PCTP: variants seen among roughly 807,000 people sequenced by gnomAD.
The protein encoded by PCTP is START domain-containing protein 2.
In PCTP, 27 loss-of-function variants were observed where a neutral mutation model predicts 31.0. The ratio of observed to expected loss-of-function variants is 0.87; its 90% CI spans 0.64 to 1.20. The LOEUF is 1.20. Ranked by LOEUF, PCTP falls within the 50% of genes most tolerant of loss-of-function variation. The pLI is 0.00. For missense variants in PCTP, 287 were observed against 268.2 expected (o/e 1.07, Z -0.49); for synonymous variants, 108 against 101.2 (o/e 1.07, Z -0.40).
chr17:55,802,747 C>T lies in PCTP; in HGVS notation c.317+15093C>T, dbSNP rs535801866. On this transcript the variant is annotated intron_variant, in intron 3 of 3. Transcript: ENST00000572536. ...TAATAAGAGCTATTTATGACAAACC[C>T]ACAGCCAATATCATACTGAATGGGC... is the stretch of plus-strand genomic sequence containing the variant. Among the ~76,000 whole-genome samples the T allele has an allele frequency of 9.2e-4, 140 of 152,208 alleles. 1 individual carries two copies. The highest frequency in any genetic ancestry group is 8.3e-3 in the South Asian group (40 of 4,822).
intron 3 of PCTP, among the ~76,000 whole-genome samples, chr17:55,799,477 G>A (rs1912303172): frequency 6.7e-6 from 1 of 150,294 alleles, no homozygotes; most frequent in African/African-American, 2.5e-5. Flanking sequence ...GTTTGCACAT[G>A]AGATGGGTCT....
chr17:55,767,482 T>A (rs760070128), intron 2 of PCTP, 30 bp downstream of exon 2: 1 of 1,435,310 alleles, frequency 7.0e-7, no homozygotes, highest in Admixed American at 1.8e-5. Flanking sequence ...CTTTTTTTTT[T>A]AGACGTACTT....
Position 55,776,128 on chromosome 17 carries a change from T to C in PCTP, c.*28T>C, listed in dbSNP as rs766298248. Reference sequence around the variant, plus strand: ...AAGAGAACTGGGAACATTGCATCCATGGGTTGATGTCTCTGGAAGTGCAAC... The same window carrying C: ...AAGAGAACTGGGAACATTGCATCCACGGGTTGATGTCTCTGGAAGTGCAAC... On this transcript the variant is annotated 3_prime_UTR_variant, in exon 6 of 6. Coordinates refer to ENST00000268896, the MANE Select transcript of PCTP (RefSeq NM_021213.4). The C allele has an allele frequency of 4.3e-6, 7 of 1,613,276 alleles. No individual in the cohort carries two copies. Among genetic ancestry groups the C allele is most frequent in the East Asian group, 2.2e-5 (1 of 44,816 alleles).
chr17:55,775,409 G>A (rs1911274257), intron 5 of PCTP: 1 of 1,231,926 alleles, frequency 8.1e-7, no homozygotes, highest in Non-Finnish European at 1.0e-6. Flanking sequence ...TACTACTAGA[G>A]AGCTCAACAG....
At position 55,777,046 on chromosome 17, in the gene PCTP, A is replaced by G; in HGVS notation, c.*946A>G. ...AACAGTTCACAGCCAGGTAAAATTTAACTGGTGGCTTAATGACTCTGCACC... is the reference window on the plus strand; with the variant it reads ...AACAGTTCACAGCCAGGTAAAATTTGACTGGTGGCTTAATGACTCTGCACC... On this transcript the variant is annotated 3_prime_UTR_variant, in exon 6 of 6. Transcript: ENST00000268896. 1.0e-6 allele frequency: 1 copy of G among 985,846 alleles called. No individual in the cohort carries two copies. Among genetic ancestry groups the G allele is most frequent in the Admixed American group, 6.1e-5 (1 of 16,290 alleles). 61.1% of individuals were successfully genotyped at this position (985,846 alleles called of 1,614,324 possible). A position where few individuals can be genotyped will look rare whatever the true frequency, so the allele number is the denominator to read the frequency against.
intron 5 of PCTP, among the ~76,000 whole-genome samples, chr17:55,830,125 A>G (rs1215812425): frequency 2.6e-5 from 4 of 152,278 alleles, no homozygotes; most frequent in Non-Finnish European, 5.9e-5. Flanking sequence ...CTTTAAAAAT[A>G]CTAATGTCTG....
downstream of PCTP, among the ~76,000 whole-genome samples, chr17:55,780,672 T>C (rs1385520847): frequency 6.6e-6 from 1 of 152,348 alleles, no homozygotes; most frequent in East Asian, 1.9e-4. Context: ...TTAGTTGTTG[T>C]GTTATTGTAT....
chr17:55,828,107 C>G (rs949333819), intron 5 of PCTP, among the ~76,000 whole-genome samples: 1 of 152,128 alleles, frequency 6.6e-6, no homozygotes, highest in Non-Finnish European at 1.5e-5. Flanking sequence ...AATTGGTATG[C>G]TAAACCCTTC....
intron 1 of PCTP, 91 bp from the exon 2 acceptor site, chr17:55,767,244 T>C (rs1910713200): frequency 1.5e-6 from 1 of 668,748 alleles, no homozygotes; most frequent in Non-Finnish European, 2.4e-6. Flanking sequence ...TTTCTTTTGC[T>C]GTGCAGAAGC....
At chr17:55,793,786 C>T (rs529616486) in intron 3 of PCTP, among the ~76,000 whole-genome samples, 96 of 152,164 alleles carry the variant, frequency 6.3e-4, no homozygotes, top group African/African-American at 2.1e-3. Context: ...ATATTGATGC[C>T]TCTCATTTTA....
rs573746912 is a variant in PCTP, at chr17:55,760,278, T to A, written c.142-7057T>A. On this transcript the variant is annotated intron_variant, in intron 1 of 5. Coordinates refer to ENST00000268896, the MANE Select transcript of PCTP (RefSeq NM_021213.4). ...TTCCTGAAAATGTACATTACAGTTC[T>A]GAATCCCAGTTCTTTAATCTGGAAA... Among the ~76,000 whole-genome samples, 5 of 152,342 alleles carry A rather than the reference T, an allele frequency of 3.3e-5. No individual in the cohort carries two copies. The East Asian group carries it at 7.7e-4, about 24-fold the overall frequency.
chr17:55,846,444 G>C (rs982368987), downstream of PCTP, among the ~76,000 whole-genome samples: 1 of 152,056 alleles, frequency 6.6e-6, no homozygotes, highest in African/African-American at 2.4e-5. Context: ...TACAAGTAGA[G>C]GTGAGCGCTT....
chr17:55,757,384 T>C (rs570740815), intron 1 of PCTP, among the ~76,000 whole-genome samples: 20 of 151,662 alleles, frequency 1.3e-4, no homozygotes, highest in African/African-American at 4.8e-4. Context: ...TATCATTTCA[T>C]TCAATCGTCT....
Position 55,751,416 on chromosome 17 carries a change from G to T in PCTP, c.141+172G>T, listed in dbSNP as rs1017592328. On this transcript the variant is annotated intron_variant, in intron 1 of 5. Coordinates refer to ENST00000268896, the MANE Select transcript of PCTP (RefSeq NM_021213.4). ...GCTCTGGAGCTAGCGCAGGGGCGGT[G>T]CCTCCAAGTGACTGCCGTGCAGATC... is the stretch of plus-strand genomic sequence containing the variant. 20 of 1,534,242 alleles carry T rather than the reference G, an allele frequency of 1.3e-5. No homozygotes were observed. In the African/African-American group the frequency reaches 1.9e-4, roughly 15 times the overall value.
chr17:55,815,027 T>G (rs1334283963), intron 3 of PCTP, among the ~76,000 whole-genome samples: 1 of 152,186 alleles, frequency 6.6e-6, no homozygotes, highest in Non-Finnish European at 1.5e-5. Flanking sequence ...CCACACTTAC[T>G]GAGTAAACTA....
intron 3 of PCTP, among the ~76,000 whole-genome samples, chr17:55,792,934 G>T (rs149272230): frequency 7.9e-5 from 12 of 152,158 alleles, no homozygotes; most frequent in Admixed American, 5.9e-4. Context: ...CAAGGGTATG[G>T]ATGAGTTCCC....
intron 3 of PCTP, among the ~76,000 whole-genome samples, chr17:55,811,555 G>A (rs768072426): frequency 2.0e-5 from 3 of 152,190 alleles, no homozygotes; most frequent in African/African-American, 4.8e-5. Flanking sequence ...AGATATTGAC[G>A]TGGAATCTGA....
intron 3 of PCTP, among the ~76,000 whole-genome samples, chr17:55,789,253 T>C (rs1485969488): frequency 2.0e-5 from 3 of 152,228 alleles, no homozygotes; most frequent in African/African-American, 7.2e-5. Flanking sequence ...TATGCTTTTC[T>C]CTTTCCTCTT....
intron 3 of PCTP, among the ~76,000 whole-genome samples, chr17:55,810,435 A>C (rs1912712817): frequency 6.6e-6 from 1 of 152,222 alleles, no homozygotes; most frequent in South Asian, 2.1e-4. Context: ...TATAAAATCT[A>C]GAGCCCGGGC....
Sources: gnomAD v4.1 joint callset for allele counts (sites outside exome capture counted in the v4.1 genomes callset) on GRCh38, gnomAD v4.1.1 for gene constraint, MANE v1.5 for transcripts, NCBI Gene and HGNC (gene_info 2026-07-23, HGNC 2026-07-21) for gene names.